The following ASCC3 variants were observed in gnomAD, a reference collection of about 807,000 sequenced individuals.
The protein encoded by ASCC3 is ASC-1 complex subunit P200.
ASCC3 carries 158 observed loss-of-function variants against 256.3 expected under a neutral mutation model. That is an observed-to-expected ratio of 0.62 (90% CI 0.54 to 0.70). ASCC3 has a LOEUF of 0.70. Ranked by LOEUF, ASCC3 falls within the 30% of genes least tolerant of loss-of-function variation. ASCC3 has a pLI of 0.00. For synonymous variants in ASCC3, 948 were observed against 883.4 expected, an observed-to-expected ratio of 1.07 and a Z score of -1.30; for missense variants, 2,259 against 2,626.0, an observed-to-expected ratio of 0.86 and a Z score of 3.05.
rs765170164 is a variant in ASCC3 at position 100,590,020 on chromosome 6, G to T, written c.5343C>A (p.Asn1781Lys). 6 of 1,613,578 alleles carry T rather than the reference G, an allele frequency of 3.7e-6. No individual in the cohort carries two copies. The Admixed American group carries it at 6.7e-5, about 18-fold the overall frequency. ...NLGDVSHDSV[N>K]KFLSHLIEKS... is the part of the protein sequence containing the mutation. ...TCTCAATCAGATGGGACAGAAACTT[G>T]TTCACAGAATCATGGCTCACATCAC... Residue 1781 changes from asparagine (N) to lysine (K), a missense_variant, in exon 35 of 42, where the codon AAC becomes AAA. Asn to Lys is a moderately conservative substitution (Grantham distance 94). Around this residue, in one of 2 missense-constraint regions of ASCC3, gnomAD observed 1,839 missense variants for 2,206.7 expected, o/e 0.83. Coordinates refer to ENST00000369162, the MANE Select transcript of ASCC3 (RefSeq NM_006828.4).
At chr6:100,755,852 A>T (rs930957080) in intron 10 of ASCC3, among the ~76,000 whole-genome samples, 4 of 152,174 alleles carry the variant, frequency 2.6e-5, no homozygotes, top group Non-Finnish European at 5.9e-5. Context: ...TTTACATGGT[A>T]TACTTCACAA....
At chr6:100,760,994 C>T (rs1435451176) in intron 10 of ASCC3, among the ~76,000 whole-genome samples, 1 of 152,088 alleles carries the variant, frequency 6.6e-6, no homozygotes, top group East Asian at 1.9e-4. Flanking sequence ...AAACACTCAA[C>T]AGGATGAACT....
At chr6:100,515,659 T>C (rs2114609386) in intron 39 of ASCC3, among the ~76,000 whole-genome samples, 1 of 152,298 alleles carries the variant, frequency 6.6e-6, no homozygotes, top group Middle Eastern at 3.4e-3. Context: ...ACATAGTTTA[T>C]TTGAAAGGAT....
intron 8 of ASCC3, among the ~76,000 whole-genome samples, chr6:100,792,279 A>G (rs918412843): frequency 6.6e-6 from 1 of 151,932 alleles, no homozygotes; most frequent in South Asian, 2.1e-4. Flanking sequence ...TATTTCGTGA[A>G]GCAAATATTT....
At chr6:100,707,805 C>T (rs369362826) in intron 13 of ASCC3, among the ~76,000 whole-genome samples, 1 of 152,202 alleles carries the variant, frequency 6.6e-6, no homozygotes, top group South Asian at 2.1e-4. Flanking sequence ...AGGATAGCTC[C>T]TTTGCAATTC....
intron 38 of ASCC3, among the ~76,000 whole-genome samples, 164 bp from the exon 39 acceptor site, chr6:100,516,491 A>T (rs1485240494): frequency 6.6e-6 from 1 of 152,144 alleles, no homozygotes; most frequent in Non-Finnish European, 1.5e-5. Context: ...TCTGTATAGG[A>T]TAACAGCCCA....
chr6:100,859,635 A>G (rs988773720), intron 3 of ASCC3, among the ~76,000 whole-genome samples: 4 of 151,968 alleles, frequency 2.6e-5, no homozygotes, highest in African/African-American at 9.7e-5. Context: ...CTTCCTTGAT[A>G]ACTCACAAAC....
intron 36 of ASCC3, among the ~76,000 whole-genome samples, chr6:100,564,983 A>G (rs1311696086): frequency 6.6e-6 from 1 of 152,168 alleles, no homozygotes; most frequent in Non-Finnish European, 1.5e-5. Flanking sequence ...ACTATATTTT[A>G]TAAATACTTA....
chr6:100,674,792 C>A (rs1377219439), intron 14 of ASCC3, among the ~76,000 whole-genome samples: 1 of 152,036 alleles, frequency 6.6e-6, no homozygotes, highest in African/African-American at 2.4e-5. Flanking sequence ...TGCCACCATG[C>A]ATGGCTTTTT....
intron 3 of ASCC3, chr6:100,857,004 T>C (rs557919206): frequency 6.6e-6 from 1 of 152,262 alleles, no homozygotes; most frequent in East Asian, 1.9e-4. Context: ...TAGTAGACAC[T>C]GTCAAACAGT....
chr6:100,868,775 A>C (rs1181175239), intron 1 of ASCC3, among the ~76,000 whole-genome samples: 1 of 152,224 alleles, frequency 6.6e-6, no homozygotes, highest in African/African-American at 2.4e-5. Flanking sequence ...GAAAAGGCAA[A>C]AATGGTAACA....
chr6:100,874,153 A>G (rs1284815615), intron 1 of ASCC3, among the ~76,000 whole-genome samples: 1 of 152,116 alleles, frequency 6.6e-6, no homozygotes, highest in Non-Finnish European at 1.5e-5. Flanking sequence ...ATGTTAATGA[A>G]GTTTACAGTT....
At chr6:100,619,642 C>G (rs989525346) in intron 30 of ASCC3, among the ~76,000 whole-genome samples, 24 of 152,124 alleles carry the variant, frequency 1.6e-4, no homozygotes, top group African/African-American at 5.8e-4. Context: ...TCATAAATAT[C>G]TATTTGGCCC....
At chr6:100,708,801 G>T (rs544502969) in intron 13 of ASCC3, among the ~76,000 whole-genome samples, 2 of 152,032 alleles carry the variant, frequency 1.3e-5, no homozygotes, top group South Asian at 2.1e-4. Flanking sequence ...AAATTCAGGG[G>T]CTAAAAGACC....
At chr6:100,757,062 A>C (rs1781212844) in intron 10 of ASCC3, among the ~76,000 whole-genome samples, 1 of 152,202 alleles carries the variant, frequency 6.6e-6, no homozygotes, top group Non-Finnish European at 1.5e-5. Context: ...AAAAACCCAA[A>C]CAGATCTTTT....
At chr6:100,874,839 C>CT (rs1773920995) in intron 1 of ASCC3, among the ~76,000 whole-genome samples, 1 of 151,856 alleles carries the variant, frequency 6.6e-6, no homozygotes, top group Non-Finnish European at 1.5e-5. Flanking sequence ...TGAGCTGAGA[C>CT]TTAAAGGACC....
chr6:100,512,585 A>G, intron 40 of ASCC3, 124 bp downstream of exon 40: 1 of 1,028,458 alleles, frequency 9.7e-7, no homozygotes, highest in Non-Finnish European at 1.5e-6. Flanking sequence ...CTCGCTGCTT[A>G]AGACCAGTTG....
chr6:100,609,680 G>A (rs1315857936), intron 30 of ASCC3, among the ~76,000 whole-genome samples: 2 of 152,096 alleles, frequency 1.3e-5, no homozygotes, highest in African/African-American at 4.8e-5. Flanking sequence ...AAGGTGGGTG[G>A]ATCATGTAAG....
In ASCC3 at chr6:100,589,721, A is replaced by T; in HGVS notation, c.5463T>A (p.Tyr1821Ter). ...EPLTYGRIASYYYLKHQTVKM... is the reference protein window; with the variant it reads ...EPLTYGRIAS ...TAACTGTTTGATGCTTCAAATAGTA[A>T]TAGGAGGCAATTCGGCCATAAGTTA... Residue 1821 changes from tyrosine to a stop codon, truncating the protein, a stop_gained, in exon 36 of 42, where the codon TAT becomes TAA. Coordinates refer to ENST00000369162, the MANE Select transcript of ASCC3 (RefSeq NM_006828.4). LOFTEE classifies it high-confidence loss of function. 1 of 1,613,814 alleles carries T rather than the reference A, an allele frequency of 6.2e-7. No homozygotes were observed. The highest frequency in any genetic ancestry group is 8.5e-7 in the Non-Finnish European group (1 of 1,179,830).
Sources: allele counts gnomAD v4.1 joint callset (sites outside exome capture counted in the v4.1 genomes callset), GRCh38; gene constraint gnomAD v4.1.1; regional missense constraint gnomAD v4.1.1; transcripts MANE v1.5; gene names NCBI Gene and HGNC (gene_info 2026-07-23, HGNC 2026-07-21).